SMARCC1: variants seen among roughly 807,000 people sequenced by gnomAD.
SMARCC1 encodes SWI/SNF related BAF chromatin remodeling complex subunit C1.
A neutral mutation model predicts 147.4 loss-of-function variants in SMARCC1; 43 were observed. That is an observed-to-expected ratio of 0.29 (90% CI 0.23 to 0.38). The LOEUF (loss-of-function observed/expected upper bound fraction) is 0.38, where lower values mean the gene tolerates loss of function less well. Ranked by LOEUF, SMARCC1 falls within the 10% of genes least tolerant of loss-of-function variation. The pLI, the probability that SMARCC1 is intolerant of heterozygous loss-of-function variation, is 1.00. For missense variants in SMARCC1, 1,119 were observed against 1,381.1 expected (o/e 0.81, Z 3.01); for synonymous variants, 495 against 484.4 (o/e 1.02, Z -0.29).
chr3:47,660,238 A>G (rs1171445181), intron 21 of SMARCC1, among the ~76,000 whole-genome samples: 2 of 152,020 alleles, frequency 1.3e-5, no homozygotes, highest in African/African-American at 4.8e-5. Flanking sequence ...CGAGGTCAGG[A>G]GATCGAGACC....
Position 47,586,572 on chromosome 3 carries a change from G to C in SMARCC1, c.*1637C>G, listed in dbSNP as rs559981945. The C allele has an allele frequency of 6.5e-6, 1 of 152,724 alleles. No individual in the cohort carries two copies. Among genetic ancestry groups the C allele is most frequent in the South Asian group, 2.1e-4 (1 of 4,826 alleles). The allele number at this position is 152,724 out of a possible 1,614,324, so 9.5% of individuals were successfully genotyped here. On this transcript the variant is annotated 3_prime_UTR_variant, in exon 28 of 28. Transcript: ENST00000254480. The stretch of plus-strand genomic sequence containing the variant: ...AGGGTTTGAAAGGCAAATCTCAATT[G>C]TGGTTTTATTTTTTTGCTTTCTGAT...
At chr3:47,731,412 G>A (rs368458797) in intron 5 of SMARCC1, among the ~76,000 whole-genome samples, 8 of 152,006 alleles carry the variant, frequency 5.3e-5, no homozygotes, top group Non-Finnish European at 8.8e-5. Flanking sequence ...CACAATCCAC[G>A]TCTTCCAAAC....
chr3:47,660,877 G>C (rs907787066), intron 21 of SMARCC1, among the ~76,000 whole-genome samples: 1 of 152,044 alleles, frequency 6.6e-6, no homozygotes, highest in Admixed American at 6.6e-5. Context: ...TTAAAATGAG[G>C]AATTTTATGT....
chr3:47,778,696 G>GT (rs2035007874), intron 1 of SMARCC1, among the ~76,000 whole-genome samples: 1 of 152,094 alleles, frequency 6.6e-6, no homozygotes, highest in African/African-American at 2.4e-5. Flanking sequence ...AATATTTCAA[G>GT]TAAGAGTCAG....
intron 21 of SMARCC1, among the ~76,000 whole-genome samples, chr3:47,659,484 G>A (rs1173932132): frequency 2.6e-5 from 4 of 151,728 alleles, no homozygotes; most frequent in Admixed American, 6.6e-5. Context: ...AGGCCATGTC[G>A]GATTTATCAA....
chr3:47,701,220 T>C (rs1256774024), intron 11 of SMARCC1, 58 bp downstream of exon 11: 1 of 1,475,894 alleles, frequency 6.8e-7, no homozygotes, highest in Non-Finnish European at 9.4e-7. Flanking sequence ...AATCATCCCA[T>C]GGTATTGCTG....
At chr3:47,630,654 G>T (rs1238504559) in intron 24 of SMARCC1, among the ~76,000 whole-genome samples, 1 of 152,182 alleles carries the variant, frequency 6.6e-6, no homozygotes, top group Non-Finnish European at 1.5e-5. Flanking sequence ...ACATTGAGAG[G>T]ATTATTAAGG....
intron 3 of SMARCC1, among the ~76,000 whole-genome samples, chr3:47,742,134 A>T (rs1259143840): frequency 6.6e-6 from 1 of 152,016 alleles, no homozygotes; most frequent in Non-Finnish European, 1.5e-5. Flanking sequence ...CCTAATGATT[A>T]TAGTTCTAAT....
At chr3:47,628,825 C>A (rs1490748445) in intron 24 of SMARCC1, among the ~76,000 whole-genome samples, 2 of 152,178 alleles carry the variant, frequency 1.3e-5, no homozygotes, top group African/African-American at 4.8e-5. Flanking sequence ...CCACCTCGGC[C>A]TCCCAAAGTG....
intron 21 of SMARCC1, among the ~76,000 whole-genome samples, chr3:47,652,972 C>T (rs1276384747): frequency 1.1e-4 from 13 of 122,894 alleles, no homozygotes; most frequent in Middle Eastern, 7.0e-3. Flanking sequence ...TTTTTTGAGA[C>T]GGAGTCTCGC....
At chr3:47,644,564 G>A (rs1163770636) in intron 21 of SMARCC1, among the ~76,000 whole-genome samples, 1 of 152,182 alleles carries the variant, frequency 6.6e-6, no homozygotes, top group Non-Finnish European at 1.5e-5. Flanking sequence ...CAGGAGTGCA[G>A]TAACATGCTC....
At chr3:47,620,294 C>T (rs1410868754) in intron 25 of SMARCC1, among the ~76,000 whole-genome samples, 3 of 151,982 alleles carry the variant, frequency 2.0e-5, no homozygotes, top group Non-Finnish European at 4.4e-5. Flanking sequence ...GAAACCCTGT[C>T]TCTACAAAAA....
At chr3:47,748,269 A>T (rs1323553922) in intron 2 of SMARCC1, among the ~76,000 whole-genome samples, 1 of 152,208 alleles carries the variant, frequency 6.6e-6, no homozygotes, top group Non-Finnish European at 1.5e-5. Flanking sequence ...GCTGGAGTAC[A>T]GCTGGGTGAT....
intron 26 of SMARCC1, among the ~76,000 whole-genome samples, chr3:47,591,589 C>T (rs545382449): frequency 2.1e-4 from 32 of 151,832 alleles, no homozygotes; most frequent in South Asian, 1.7e-3. Context: ...GTTGCCTAGG[C>T]TGGAGTGCAG....
intron 21 of SMARCC1, among the ~76,000 whole-genome samples, chr3:47,641,480 G>A (rs562949266): frequency 3.3e-5 from 5 of 152,150 alleles, no homozygotes; most frequent in African/African-American, 1.2e-4. Flanking sequence ...GTGATACCCT[G>A]TTTCAAAGGA....
chr3:47,600,193 C>T (rs1411353018), intron 26 of SMARCC1, among the ~76,000 whole-genome samples: 1 of 152,204 alleles, frequency 6.6e-6, no homozygotes, highest in Admixed American at 6.5e-5. Context: ...ACAACGGCTC[C>T]TTGGCAGCAA....
intron 21 of SMARCC1, among the ~76,000 whole-genome samples, chr3:47,659,797 A>G (rs2033318774): frequency 7.1e-6 from 1 of 140,426 alleles, no homozygotes; most frequent in South Asian, 2.3e-4. Context: ...GTATTTCCCA[A>G]GGCAGACATA....
chr3:47,633,118 G>GCC (rs1382105257), intron 24 of SMARCC1, among the ~76,000 whole-genome samples: 1 of 152,166 alleles, frequency 6.6e-6, no homozygotes, highest in African/African-American at 2.4e-5. Context: ...ACATAGGTGG[G>GCC]CCCAGTTTGT....
intron 6 of SMARCC1, among the ~76,000 whole-genome samples, chr3:47,725,890 C>T (rs1005609329): frequency 1.1e-4 from 17 of 151,426 alleles, no homozygotes; most frequent in African/African-American, 2.7e-4. Context: ...GGTGAAACCC[C>T]GTCTCTACTA....
Sources: gnomAD v4.1 joint callset for allele counts (sites outside exome capture counted in the v4.1 genomes callset) on GRCh38, gnomAD v4.1.1 for gene constraint, MANE v1.5 for transcripts, NCBI Gene and HGNC (gene_info 2026-07-23, HGNC 2026-07-21) for gene names.